Variants in ARHGAP29 observed in about 807,000 individuals in gnomAD.
ARHGAP29 encodes the protein rho GTPase-activating protein 29.
ARHGAP29 carries 43 observed loss-of-function variants against 122.6 expected under a neutral mutation model. That is an observed-to-expected ratio of 0.35 (90% CI 0.27 to 0.45). The LOEUF (loss-of-function observed/expected upper bound fraction) is 0.45, where lower values mean the gene tolerates loss of function less well. Among genes scored for constraint, ARHGAP29 ranks in the 20% least tolerant of loss-of-function variants. The pLI, the probability that ARHGAP29 is intolerant of heterozygous loss-of-function variation, is 1.00. For missense variants in ARHGAP29, 1,303 were observed against 1,477.2 expected, an observed-to-expected ratio of 0.88 and a Z score of 1.93; for synonymous variants, 506 against 497.1, an observed-to-expected ratio of 1.02 and a Z score of -0.24.
rs76297056 is a variant in ARHGAP29 at position 94,210,163 on chromosome 1, C to T, written c.341-813G>A. Among the ~76,000 whole-genome samples, 553 of 152,230 alleles carry T rather than the reference C, an allele frequency of 3.6e-3. 1 individual carries two copies. Among genetic ancestry groups the T allele is most frequent in the African/African-American group, 0.013 (527 of 41,538 alleles). On this transcript the variant is annotated intron_variant, in intron 3 of 22. Transcript: ENST00000260526. ...GGTAATTTTTTTAAAGTAACTGTTGCTACTTGGGCTGGGTATAAAGAGTAA... is the reference window on the plus strand; with the variant it reads ...GGTAATTTTTTTAAAGTAACTGTTGTTACTTGGGCTGGGTATAAAGAGTAA...
chr1:94,254,351 A>T (rs553892904), intron 1 of ARHGAP29, among the ~76,000 whole-genome samples: 2 of 152,332 alleles, frequency 1.3e-5, no homozygotes, highest in East Asian at 3.9e-4. Context: ...CTAGCCAAAA[A>T]ACTGATGAAA....
In ARHGAP29 at chr1:94,173,004, C is replaced by A. The variant is rs1002985679; in HGVS notation, c.*865G>T. 6.6e-6 allele frequency: 1 copy of A among 152,420 alleles called. No homozygotes were observed. The highest frequency in any genetic ancestry group is 2.4e-5 in the African/African-American group (1 of 41,364). The allele number at this position is 152,420 out of a possible 1,614,324, so 9.4% of individuals were successfully genotyped here. A position where few individuals can be genotyped will look rare whatever the true frequency, so the allele number is the denominator to read the frequency against. On this transcript the variant is annotated 3_prime_UTR_variant, in exon 23 of 23. Transcript: ENST00000260526. ...ACAAAAGGAATGGTTTTAACCCAGA[C>A]AAATCAAGAGGAAATGCACTGAATT...
intron 1 of ARHGAP29, 36 bp from the exon 2 acceptor site, chr1:94,231,679 G>C: frequency 6.7e-7 from 1 of 1,490,138 alleles, no homozygotes; most frequent in East Asian, 2.3e-5. Context: ...AAACAAGCGA[G>C]GAGAGAGAAA....
intron 3 of ARHGAP29, among the ~76,000 whole-genome samples, chr1:94,214,790 C>T (rs1651856083): frequency 6.6e-6 from 1 of 152,146 alleles, no homozygotes; most frequent in South Asian, 2.1e-4. Context: ...CAAGAAATCA[C>T]CTGAATAGCT....
the ARHGAP29 span, among the ~76,000 whole-genome samples, chr1:94,305,071 T>TA: frequency 5.3e-5 from 8 of 152,228 alleles, no homozygotes; most frequent in Admixed American, 3.9e-4. Context: ...GTTCTGCAAA[T>TA]AGTGCCCACT....
intron 1 of ARHGAP29, among the ~76,000 whole-genome samples, chr1:94,264,094 G>A (rs79910482): frequency 0.033 from 5,017 of 152,226 alleles, 104 homozygotes; most frequent in Non-Finnish European, 0.05. Flanking sequence ...CTCTTCGTAC[G>A]TAATGCCAAA....
At chr1:94,188,450 A>AC (rs1491010430) in intron 15 of ARHGAP29, among the ~76,000 whole-genome samples, 1 of 152,128 alleles carries the variant, frequency 6.6e-6, no homozygotes, top group East Asian at 1.9e-4. Flanking sequence ...TTAAAAAAAA[A>AC]CACACATAAA....
chr1:94,179,592 CAAAAAA>C, intron 20 of ARHGAP29, 127 bp downstream of exon 20: 1,216 of 218,782 alleles, frequency 5.6e-3, no homozygotes, highest in South Asian at 8.3e-3. Flanking sequence ...GACTCTGTCT[CAAAAAA>C]AAAAAAAAAA....
the ARHGAP29 span, among the ~76,000 whole-genome samples, chr1:94,288,734 G>A: frequency 1.9e-4 from 29 of 152,228 alleles, no homozygotes; most frequent in African/African-American, 7.0e-4. Context: ...AGTTTTCCCA[G>A]CACCATTTGT....
At chr1:94,263,035 A>G (rs932240626) in intron 1 of ARHGAP29, among the ~76,000 whole-genome samples, 2 of 152,228 alleles carry the variant, frequency 1.3e-5, no homozygotes, top group Non-Finnish European at 1.5e-5. Context: ...AAAATGTGGT[A>G]CATATATACA....
chr1:94,186,661 G>A (rs1369623504), intron 15 of ARHGAP29, 64 bp from the exon 16 acceptor site: 4 of 1,222,932 alleles, frequency 3.3e-6, no homozygotes, highest in Non-Finnish European at 4.8e-6. Flanking sequence ...AATAGGAAAT[G>A]ACAACACTTT....
intron 2 of ARHGAP29, among the ~76,000 whole-genome samples, chr1:94,220,853 G>A (rs11587706): frequency 4.8e-5 from 7 of 146,900 alleles, no homozygotes; most frequent in Non-Finnish European, 7.7e-5. Flanking sequence ...ATGAGTTTTT[G>A]TGCTTTTTAG....
chr1:94,186,677 T>C (rs1326020700), intron 15 of ARHGAP29, 80 bp from the exon 16 acceptor site: 8 of 1,020,418 alleles, frequency 7.8e-6, no homozygotes, highest in Non-Finnish European at 1.1e-5. Flanking sequence ...ACTTTTGAAA[T>C]AACACGTCAT....
chr1:94,233,613 C>T (rs1653066550), intron 1 of ARHGAP29, among the ~76,000 whole-genome samples: 1 of 152,156 alleles, frequency 6.6e-6, no homozygotes, highest in Admixed American at 6.5e-5. Context: ...GATCTGGCTC[C>T]TACCTACCTG....
At chr1:94,306,713 A>G in the ARHGAP29 span, among the ~76,000 whole-genome samples, 827 of 152,320 alleles carry the variant, frequency 5.4e-3, 5 homozygotes, top group African/African-American at 0.019. Flanking sequence ...ATGGATATGC[A>G]CCAACATTTC....
intron 12 of ARHGAP29, among the ~76,000 whole-genome samples, chr1:94,200,831 A>C (rs1432562223): frequency 6.6e-6 from 1 of 152,182 alleles, no homozygotes; most frequent in African/African-American, 2.4e-5. Flanking sequence ...GAAAAGACCA[A>C]ACTCATAAGG....
intron 12 of ARHGAP29, chr1:94,192,134 A>G (rs1306599744): frequency 6.6e-6 from 1 of 152,318 alleles, no homozygotes; most frequent in East Asian, 1.9e-4. Context: ...TAAATGAGAT[A>G]CAATATTAAA....
chr1:94,297,202 G>A, the ARHGAP29 span, among the ~76,000 whole-genome samples: 3 of 152,298 alleles, frequency 2.0e-5, no homozygotes, highest in East Asian at 5.8e-4. Flanking sequence ...ACAACATGTT[G>A]AGCCTGGCAG....
At position 94,185,450 on chromosome 1, in the gene ARHGAP29, T is replaced by C. The variant is rs1215704024; in HGVS notation, c.1812A>G (p.Thr604=). ...GTGTGAGAGCTGCCTTTGACATCAATGTTTTCTTAAATGTTCCAAGGGAAT... is the reference window on the plus strand; with the variant it reads ...GTGTGAGAGCTGCCTTTGACATCAACGTTTTCTTAAATGTTCCAAGGGAAT... ...GPNSLGTFKK[T]LMSKAALTHK... is the part of the protein sequence containing the mutation. The change falls in exon 17 of 23, where the codon ACA becomes ACG. Residue 604 remains threonine (T), a synonymous_variant. Transcript: ENST00000260526. 2 of 1,610,898 alleles carry C rather than the reference T, an allele frequency of 1.2e-6. No individual in the cohort carries two copies. Among genetic ancestry groups the C allele is most frequent in the Admixed American group, 1.7e-5 (1 of 59,270 alleles).
Sources: gnomAD v4.1 joint callset for allele counts (sites outside exome capture counted in the v4.1 genomes callset) on GRCh38, gnomAD v4.1.1 for gene constraint, MANE v1.5 for transcripts, NCBI Gene and HGNC (gene_info 2026-07-23, HGNC 2026-07-21) for gene names.